Variants in INTS4 observed in about 807,000 individuals in gnomAD.
INTS4 encodes the protein integrator complex subunit 4.
Under a neutral mutation model 119.5 loss-of-function variants are expected in INTS4, and 70 were observed. The observed-to-expected ratio is 0.59, with a 90% CI of 0.48 to 0.71. The LOEUF (loss-of-function observed/expected upper bound fraction) is 0.71. Ranked by LOEUF, INTS4 falls within the 30% of genes least tolerant of loss-of-function variation. INTS4 has a pLI of 0.00. For missense variants in INTS4, 867 were observed against 1,173.2 expected (o/e 0.74, Z 3.81); for synonymous variants, 316 against 419.6 (o/e 0.75, Z 3.02).
rs553352625 is a variant in INTS4, at chr11:77,919,169, T to C, written c.1765-191A>G. 3.9e-5 allele frequency among the ~76,000 whole-genome samples: 6 copies of C among 152,114 alleles called. No homozygotes were observed. The East Asian group carries it at 1.2e-3, about 29-fold the overall frequency. On this transcript the variant is annotated intron_variant, in intron 14 of 22. Coordinates refer to ENST00000534064, the MANE Select transcript of INTS4 (RefSeq NM_033547.4). ...GGGAGTTAAAGAGAAAGAGACAAAA[T>C]GCAAACATGGTCTACCCAATACAGC...
At position 77,958,775 on chromosome 11, in the gene INTS4, G is replaced by A; in HGVS notation, c.768C>T (p.Ile256=). Residue 256 remains isoleucine, a synonymous_variant, in exon 7 of 23, where the codon ATC becomes ATT. Transcript: ENST00000534064. ...CAGGATAGAGCTGACTGACGACCCA[G>A]ATAAGCTGGACTGCAGCACTGCGCA... ...EQVRSAAVQL[I]WVVSQLYPES... 1.2e-6 allele frequency: 2 copies of A among 1,610,960 alleles called. No homozygotes were observed. The highest frequency in any genetic ancestry group is 1.7e-6 in the Non-Finnish European group (2 of 1,179,018).
At chr11:77,980,670 T>C (rs894948627) in intron 3 of INTS4, among the ~76,000 whole-genome samples, 2 of 152,192 alleles carry the variant, frequency 1.3e-5, no homozygotes, top group African/African-American at 4.8e-5. Flanking sequence ...TAGCCTAACC[T>C]GTGCCTAGCC....
intron 8 of INTS4, among the ~76,000 whole-genome samples, chr11:77,947,398 C>T (rs1219154594): frequency 6.6e-6 from 1 of 152,172 alleles, no homozygotes; most frequent in African/African-American, 2.4e-5. Context: ...ACTTTCAAAG[C>T]TGCAAGACAA....
At chr11:77,951,817 GA>G (rs1199200598) in intron 8 of INTS4, among the ~76,000 whole-genome samples, 3 of 151,964 alleles carry the variant, frequency 2.0e-5, no homozygotes, top group Non-Finnish European at 2.9e-5. Flanking sequence ...AAATCTACAA[GA>G]AAAAAACAAA....
intron 12 of INTS4, among the ~76,000 whole-genome samples, chr11:77,923,057 C>T (rs1328051166): frequency 1.3e-5 from 2 of 152,192 alleles, no homozygotes; most frequent in Non-Finnish European, 2.9e-5. Flanking sequence ...TGGTGGCTCA[C>T]GCCTATAATC....
intron 22 of INTS4, 122 bp from the exon 23 acceptor site, chr11:77,879,249 T>G: frequency 4.1e-6 from 4 of 979,814 alleles, no homozygotes; most frequent in Non-Finnish European, 6.0e-6. Flanking sequence ...TCCGTCTACA[T>G]TCCCTCCCCT....
At chr11:77,904,579 AGTCCCAT>A (rs1952883601) in intron 16 of INTS4, among the ~76,000 whole-genome samples, 1 of 152,232 alleles carries the variant, frequency 6.6e-6, no homozygotes, top group South Asian at 2.1e-4. Flanking sequence ...AGTGCTCAAG[AGTCCCAT>A]GTATCTGGTG....
At chr11:77,933,503 G>C (rs1040573761) in intron 10 of INTS4, among the ~76,000 whole-genome samples, 5 of 152,234 alleles carry the variant, frequency 3.3e-5, no homozygotes, top group African/African-American at 9.6e-5. Context: ...TGGGATTGCA[G>C]ACGGAGTCTC....
chr11:77,993,130 T>A (rs1382853004), intron 1 of INTS4, among the ~76,000 whole-genome samples: 1 of 152,128 alleles, frequency 6.6e-6, no homozygotes, highest in Non-Finnish European at 1.5e-5. Flanking sequence ...AATAACACTT[T>A]AGTGAGCCAG....
chr11:77,881,907 G>T (rs1288226323), intron 22 of INTS4, among the ~76,000 whole-genome samples: 3 of 151,352 alleles, frequency 2.0e-5, no homozygotes, highest in African/African-American at 7.3e-5. Context: ...TCTTGTTTCT[G>T]ATGGTTTTTT....
intron 10 of INTS4, among the ~76,000 whole-genome samples, chr11:77,937,087 A>T (rs924094565): frequency 5.3e-5 from 8 of 151,856 alleles, no homozygotes; most frequent in African/African-American, 1.5e-4. Context: ...AAGCATGAGA[A>T]TTGTCTGAAC....
intron 10 of INTS4, among the ~76,000 whole-genome samples, chr11:77,933,348 G>C (rs904746022): frequency 4.0e-5 from 6 of 151,812 alleles, no homozygotes; most frequent in East Asian, 1.9e-4. Context: ...TCAGCCTGCC[G>C]AGTGCCTGGG....
chr11:77,903,520 G>A lies in INTS4; in HGVS notation c.2097+20C>T. 6.2e-7 allele frequency: 1 copy of A among 1,610,628 alleles called. No homozygotes were observed. Among genetic ancestry groups the A allele is most frequent in the South Asian group, 1.1e-5 (1 of 90,926 alleles). Reference sequence around the variant, plus strand: ...TACTGGACAGAGACCTATTTGAAGGGAAGGTCTGAATAAGCTTACCTGTTT... The same window carrying A: ...TACTGGACAGAGACCTATTTGAAGGAAAGGTCTGAATAAGCTTACCTGTTT... On this transcript the variant is annotated intron_variant, in intron 17 of 22. Transcript: ENST00000534064.
chr11:77,882,596 T>A (rs2136356127), intron 22 of INTS4, among the ~76,000 whole-genome samples: 1 of 152,290 alleles, frequency 6.6e-6, no homozygotes. Context: ...TGCAAAAACA[T>A]TCCAGGCAGC....
intron 10 of INTS4, among the ~76,000 whole-genome samples, chr11:77,938,301 A>G (rs191042765): frequency 5.6e-4 from 85 of 152,338 alleles, no homozygotes; most frequent in African/African-American, 1.8e-3. Flanking sequence ...TTTAATTACC[A>G]ATTATTAAGT....
At chr11:77,941,113 A>G in intron 9 of INTS4, 67 bp downstream of exon 9, 4 of 1,582,734 alleles carry the variant, frequency 2.5e-6, no homozygotes, top group Non-Finnish European at 3.4e-6. Flanking sequence ...AATCAACACA[A>G]CTCAGCATAC....
At chr11:77,971,147 T>C (rs761082494) in intron 4 of INTS4, among the ~76,000 whole-genome samples, 7 of 152,250 alleles carry the variant, frequency 4.6e-5, no homozygotes, top group Non-Finnish European at 8.8e-5. Flanking sequence ...TGACAGGTGA[T>C]GTTAAGCTTT....
chr11:77,974,248 T>A (rs375968863), intron 4 of INTS4, among the ~76,000 whole-genome samples: 26,566 of 141,784 alleles, frequency 0.19, 2,534 homozygotes, highest in Middle Eastern at 0.23. Flanking sequence ...CTTTTTTTTT[T>A]TTTTTTTTTT....
At chr11:77,959,751 T>C (rs1222618819) in intron 6 of INTS4, among the ~76,000 whole-genome samples, 1 of 152,158 alleles carries the variant, frequency 6.6e-6, no homozygotes. Flanking sequence ...ATAAAACCAC[T>C]CTTGGCAGGC....
Sources: gnomAD v4.1 joint callset for allele counts (sites outside exome capture counted in the v4.1 genomes callset) on GRCh38, gnomAD v4.1.1 for gene constraint, MANE v1.5 for transcripts, NCBI Gene and HGNC (gene_info 2026-07-23, HGNC 2026-07-21) for gene names.